The following CEP128 variants were observed in gnomAD, a reference collection of about 807,000 sequenced individuals.
CEP128 encodes the protein centrosomal protein 128.
CEP128 carries 132 observed loss-of-function variants against 156.7 expected under a neutral mutation model. The observed-to-expected ratio is 0.84, with a 90% CI of 0.73 to 0.97. The LOEUF (loss-of-function observed/expected upper bound fraction) is 0.97. CEP128 is among the 50% of genes least tolerant of loss of function. CEP128 has a pLI of 0.00. For synonymous variants in CEP128, 469 were observed against 448.9 expected (o/e 1.04, Z -0.57); for missense variants, 1,252 against 1,281.9 (o/e 0.98, Z 0.36).
At chr14:80,668,053 T>C (rs1365614246) in intron 19 of CEP128, among the ~76,000 whole-genome samples, 3 of 152,178 alleles carry the variant, frequency 2.0e-5, no homozygotes, top group Non-Finnish European at 4.4e-5. Context: ...AAAAACTTAC[T>C]ATGTGCCCAA....
At chr14:80,615,840 C>T (rs572191010) in intron 19 of CEP128, among the ~76,000 whole-genome samples, 19 of 150,702 alleles carry the variant, frequency 1.3e-4, no homozygotes, top group Non-Finnish European at 2.5e-4. Flanking sequence ...AAGAGTAAAA[C>T]TCCATCTCAA....
intron 19 of CEP128, among the ~76,000 whole-genome samples, chr14:80,721,013 G>A (rs1032317540): frequency 6.6e-6 from 1 of 152,088 alleles, no homozygotes. Flanking sequence ...TTACCCAGGT[G>A]CATAATCGTG....
chr14:80,580,647 A>T (rs1319433073), intron 19 of CEP128, among the ~76,000 whole-genome samples: 10 of 152,198 alleles, frequency 6.6e-5, no homozygotes, highest in Non-Finnish European at 1.5e-4. Flanking sequence ...AAGCCCTGGG[A>T]CATCTCTCAG....
intron 2 of CEP128, among the ~76,000 whole-genome samples, chr14:80,950,261 C>A (rs1383366388): frequency 2.0e-5 from 3 of 152,166 alleles, no homozygotes; most frequent in African/African-American, 7.2e-5. Context: ...TATGCCCCAC[C>A]AACACCTTAA....
intron 19 of CEP128, among the ~76,000 whole-genome samples, chr14:80,597,081 C>A (rs1403247506): frequency 3.3e-5 from 5 of 150,014 alleles, no homozygotes; most frequent in African/African-American, 9.8e-5. Context: ...AAATTGAGAA[C>A]AGGAGACAAT....
At chr14:80,534,071 T>C (rs1327755941) in intron 21 of CEP128, among the ~76,000 whole-genome samples, 1 of 152,222 alleles carries the variant, frequency 6.6e-6, no homozygotes, top group Non-Finnish European at 1.5e-5. Flanking sequence ...AGTCCAATCT[T>C]ACAGGCGTCT....
intron 4 of CEP128, among the ~76,000 whole-genome samples, chr14:80,911,654 T>C (rs1884221531): frequency 6.6e-6 from 1 of 152,242 alleles, no homozygotes. Flanking sequence ...GATAACTTTC[T>C]AACTTTCTTA....
chr14:80,663,703 C>T (rs1283350200), intron 19 of CEP128, among the ~76,000 whole-genome samples: 1 of 152,180 alleles, frequency 6.6e-6, no homozygotes, highest in Non-Finnish European at 1.5e-5. Context: ...ATGAGGTTGG[C>T]ATCGTTTCCC....
At chr14:80,485,502 T>C (rs1403919117), downstream of CEP128, among the ~76,000 whole-genome samples, 2 of 152,152 alleles carry the variant, frequency 1.3e-5, no homozygotes, top group Non-Finnish European at 2.9e-5. Flanking sequence ...TGTATAACTA[T>C]TATCATTGCT....
At chr14:80,501,624 C>G (rs1260662382) in intron 24 of CEP128, among the ~76,000 whole-genome samples, 2 of 151,896 alleles carry the variant, frequency 1.3e-5, no homozygotes, top group Non-Finnish European at 2.9e-5. Context: ...TTTGCCTCAG[C>G]CTCCCGGGTA....
chr14:80,529,634 T>C (rs1398674949), intron 22 of CEP128, among the ~76,000 whole-genome samples: 2 of 152,180 alleles, frequency 1.3e-5, no homozygotes, highest in Non-Finnish European at 2.9e-5. Context: ...CTTGGATAAT[T>C]TAGTTACAGA....
At chr14:80,778,096 A>G (rs745862586) in intron 15 of CEP128, 50 bp from the exon 16 acceptor site, 11 of 1,480,502 alleles carry the variant, frequency 7.4e-6, no homozygotes, top group Non-Finnish European at 9.3e-6. Context: ...CATAGCCAAA[A>G]TACACCAAAC....
At chr14:80,807,294 T>C (rs1884236280) in intron 13 of CEP128, among the ~76,000 whole-genome samples, 2 of 152,214 alleles carry the variant, frequency 1.3e-5, no homozygotes, top group South Asian at 4.1e-4. Flanking sequence ...CACCTATTAA[T>C]TTCTACTTAT....
intron 19 of CEP128, among the ~76,000 whole-genome samples, chr14:80,645,007 G>A (rs933019733): frequency 2.0e-5 from 3 of 151,992 alleles, no homozygotes; most frequent in Non-Finnish European, 2.9e-5. Flanking sequence ...GACTACAAAC[G>A]TTGATAAATG....
chr14:80,486,733 G>T (rs1487438931), downstream of CEP128, among the ~76,000 whole-genome samples: 1 of 152,130 alleles, frequency 6.6e-6, no homozygotes, highest in African/African-American at 2.4e-5. Context: ...TTAAAGAAAA[G>T]AATTTTCAAT....
chr14:80,521,134 C>A (rs372864559), intron 23 of CEP128, among the ~76,000 whole-genome samples: 1 of 151,618 alleles, frequency 6.6e-6, no homozygotes, highest in Admixed American at 6.6e-5. Flanking sequence ...CCACCACACC[C>A]GGCCTTAAAG....
At chr14:80,551,532 G>T (rs1043590258) in intron 21 of CEP128, among the ~76,000 whole-genome samples, 2 of 152,180 alleles carry the variant, frequency 1.3e-5, no homozygotes, top group African/African-American at 2.4e-5. Flanking sequence ...CAGTGGAATG[G>T]TGTTAATGTG....
intron 9 of CEP128, among the ~76,000 whole-genome samples, chr14:80,846,869 T>C (rs1886634331): frequency 6.6e-6 from 1 of 152,192 alleles, no homozygotes; most frequent in South Asian, 2.1e-4. Context: ...TGATGTAGAA[T>C]ACATTTCTAA....
At chr14:80,553,289 T>G (rs1890289852) in intron 21 of CEP128, among the ~76,000 whole-genome samples, 1 of 152,152 alleles carries the variant, frequency 6.6e-6, no homozygotes, top group Admixed American at 6.5e-5. Flanking sequence ...TCGCTCCCTG[T>G]GTCCATGTGT....
Sources: gnomAD v4.1 joint callset for allele counts (sites outside exome capture counted in the v4.1 genomes callset) on GRCh38, gnomAD v4.1.1 for gene constraint, MANE v1.5 for transcripts, NCBI Gene and HGNC (gene_info 2026-07-23, HGNC 2026-07-21) for gene names.